The following SMG6 variants were observed in gnomAD, a reference collection of about 807,000 sequenced individuals.
The protein encoded by SMG6 is telomerase-binding protein EST1A.
In SMG6, 66 loss-of-function variants were observed where a neutral mutation model predicts 142.2. The ratio of observed to expected loss-of-function variants is 0.46; its 90% confidence interval spans 0.38 to 0.57. The LOEUF is 0.57. Among genes scored for constraint, SMG6 ranks in the 20% least tolerant of loss-of-function variants. The pLI, the probability that SMG6 is intolerant of heterozygous loss-of-function variation, is 0.00. For synonymous variants in SMG6, 779 were observed against 702.4 expected, an observed-to-expected ratio of 1.11 and a Z score of -1.72; for missense variants, 1,793 against 1,832.0, an observed-to-expected ratio of 0.98 and a Z score of 0.39.
chr17:2,067,714 G>A (rs960958704), intron 16 of SMG6, among the ~76,000 whole-genome samples: 10 of 152,130 alleles, frequency 6.6e-5, no homozygotes, highest in African/African-American at 1.4e-4. Context: ...GGGCTGCTTC[G>A]GTGCCAACAT....
At chr17:2,224,877 G>GA (rs553392103) in intron 10 of SMG6, among the ~76,000 whole-genome samples, 98 of 152,296 alleles carry the variant, frequency 6.4e-4, no homozygotes, top group African/African-American at 2.2e-3. Flanking sequence ...CACCTAGAGA[G>GA]AAAAGACAGG....
At chr17:2,148,947 G>A (rs2070747165) in intron 13 of SMG6, among the ~76,000 whole-genome samples, 1 of 152,074 alleles carries the variant, frequency 6.6e-6, no homozygotes, top group Admixed American at 6.6e-5. Flanking sequence ...ATTATTTCAT[G>A]GGTACAGTGT....
chr17:2,172,256 G>C (rs538404028), intron 13 of SMG6, among the ~76,000 whole-genome samples: 2 of 151,860 alleles, frequency 1.3e-5, no homozygotes, highest in East Asian at 3.9e-4. Flanking sequence ...CTCCTCCTCA[G>C]AGAAGGGAAA....
chr17:2,205,635 T>C lies in SMG6; in HGVS notation c.2870-17120A>G, dbSNP rs57408289. Among the ~76,000 whole-genome samples, 557 of 152,278 alleles carry C rather than the reference T, an allele frequency of 3.7e-3. 3 individuals are homozygous for C. The highest frequency in any genetic ancestry group is 0.012 in the African/African-American group (509 of 41,546). ...AAAAGAGGAAACACCAATAACTGTA[T>C]AGTTCTCATTATTAGAAAGGAATAA... On this transcript the variant is annotated intron_variant, in intron 10 of 18. Coordinates refer to ENST00000263073, the MANE Select transcript of SMG6 (RefSeq NM_017575.5).
rs946516480 is a variant in SMG6 at position 2,154,377 on chromosome 17, G to A, written c.3357+18281C>T. ...TGGGGATGCATCTAGAGTGTGACGGGGCTGAGGGAGGGCCCACTTTCACCT... is the reference window on the plus strand; with the variant it reads ...TGGGGATGCATCTAGAGTGTGACGGAGCTGAGGGAGGGCCCACTTTCACCT... On this transcript the variant is annotated intron_variant, in intron 13 of 18. Transcript: ENST00000263073. Among the ~76,000 whole-genome samples, 6 of 152,024 alleles carry A rather than the reference G, an allele frequency of 3.9e-5. No homozygotes were observed. The South Asian group carries it at 1.2e-3, about 32-fold the overall frequency.
chr17:2,273,942 T>C (rs1274405681), intron 8 of SMG6, among the ~76,000 whole-genome samples: 1 of 152,256 alleles, frequency 6.6e-6, no homozygotes, highest in Non-Finnish European at 1.5e-5. Context: ...GGTGAATTTA[T>C]TGAATGTATA....
At chr17:2,075,589 C>A (rs2068236141) in intron 15 of SMG6, among the ~76,000 whole-genome samples, 1 of 152,200 alleles carries the variant, frequency 6.6e-6, no homozygotes, top group South Asian at 2.1e-4. Flanking sequence ...CGCCTCATGC[C>A]TGGAGGAGCA....
Position 2,110,400 on chromosome 17 carries a change from T to C in SMG6, c.3358-24499A>G, listed in dbSNP as rs922514581. ...AGAGATAGTTCTGCATTTACTGACA[T>C]ATGTGATTAACTACGAGCTCTCTCT... is the stretch of plus-strand genomic sequence containing the variant. On this transcript the variant is annotated intron_variant, in intron 13 of 18. Coordinates refer to ENST00000263073, the MANE Select transcript of SMG6 (RefSeq NM_017575.5). Among the ~76,000 whole-genome samples the C allele has an allele frequency of 2.0e-5, 3 of 152,308 alleles. No homozygotes were observed. The East Asian group carries it at 5.8e-4, about 29-fold the overall frequency.
chr17:2,210,941 C>A (rs529915304), intron 10 of SMG6, among the ~76,000 whole-genome samples: 91 of 151,476 alleles, frequency 6.0e-4, no homozygotes, highest in Non-Finnish European at 1.1e-3. Flanking sequence ...GGAAGAAATC[C>A]CCTTCTGAAA....
At chr17:2,175,680 T>C (rs950590863) in intron 12 of SMG6, among the ~76,000 whole-genome samples, 1 of 152,116 alleles carries the variant, frequency 6.6e-6, no homozygotes, top group African/African-American at 2.4e-5. Context: ...AATGTTGATT[T>C]GTAAGAAAGC....
At chr17:2,175,137 C>T (rs965237636) in intron 12 of SMG6, among the ~76,000 whole-genome samples, 1 of 152,158 alleles carries the variant, frequency 6.6e-6, no homozygotes, top group African/African-American at 2.4e-5. Flanking sequence ...CACTTGAGCC[C>T]GCTGCCTGAG....
At chr17:2,288,896 AGT>A (rs1263249488) in intron 6 of SMG6, among the ~76,000 whole-genome samples, 1 of 151,538 alleles carries the variant, frequency 6.6e-6, no homozygotes. Context: ...TGGCTAACAC[AGT>A]GAAACCCCGT....
At chr17:2,191,242 C>A (rs563633010) in intron 10 of SMG6, among the ~76,000 whole-genome samples, 1 of 152,198 alleles carries the variant, frequency 6.6e-6, no homozygotes, top group Admixed American at 6.5e-5. Flanking sequence ...CTTGGCCTCA[C>A]GTAGGCTTCC....
At chr17:2,076,474 T>C (rs888184664) in intron 15 of SMG6, among the ~76,000 whole-genome samples, 1 of 152,084 alleles carries the variant, frequency 6.6e-6, no homozygotes, top group African/African-American at 2.4e-5. Context: ...AAGGTTAGCA[T>C]GGGTTTGGAG....
At chr17:2,200,455 C>A (rs774027344) in intron 10 of SMG6, among the ~76,000 whole-genome samples, 4 of 151,690 alleles carry the variant, frequency 2.6e-5, no homozygotes, top group Non-Finnish European at 5.9e-5. Flanking sequence ...GTGTGCTGCA[C>A]CCATCAACTC....
intron 4 of SMG6, among the ~76,000 whole-genome samples, chr17:2,296,415 C>T (rs547832843): frequency 6.6e-6 from 1 of 152,168 alleles, no homozygotes; most frequent in Non-Finnish European, 1.5e-5. Context: ...ACGTTAGATT[C>T]ACTTCTCCCT....
chr17:2,127,142 A>C, intron 13 of SMG6, among the ~76,000 whole-genome samples: 1 of 149,302 alleles, frequency 6.7e-6, no homozygotes. Context: ...TTGTCTCAAA[A>C]AAAAAAAAAA....
intron 10 of SMG6, among the ~76,000 whole-genome samples, chr17:2,194,289 T>G (rs1002135): frequency 0.42 from 63,263 of 152,024 alleles, 13,571 homozygotes; most frequent in African/African-American, 0.5. Flanking sequence ...ACTCACTCAA[T>G]GTTCTTGGAT....
At chr17:2,240,390 C>T (rs2073770440) in intron 9 of SMG6, among the ~76,000 whole-genome samples, 1 of 152,032 alleles carries the variant, frequency 6.6e-6, no homozygotes, top group African/African-American at 2.4e-5. Flanking sequence ...TTTTTCTCAA[C>T]CTCTTATTTT....
Sources: gnomAD v4.1 joint callset for allele counts (sites outside exome capture counted in the v4.1 genomes callset) on GRCh38, gnomAD v4.1.1 for gene constraint, MANE v1.5 for transcripts, NCBI Gene and HGNC (gene_info 2026-07-23, HGNC 2026-07-21) for gene names.